The following RBFOX1 variants were observed in gnomAD, a reference collection of about 807,000 sequenced individuals.
RBFOX1 encodes the protein RNA binding fox-1 homolog 1.
In RBFOX1, 8 loss-of-function variants were observed where a neutral mutation model predicts 57.7. That is an observed-to-expected ratio of 0.14 (90% CI 0.08 to 0.25). The LOEUF is 0.25. Among genes scored for constraint, RBFOX1 ranks in the 10% least tolerant of loss-of-function variants. The pLI is 1.00. For missense variants in RBFOX1, 611 were observed against 548.5 expected (o/e 1.11, Z -1.14); for synonymous variants, 326 against 222.4 (o/e 1.47, Z -4.15).
At chr16:6,068,061 T>C (rs1031993230) in intron 1 of RBFOX1, among the ~76,000 whole-genome samples, 5 of 151,692 alleles carry the variant, frequency 3.3e-5, no homozygotes, top group Non-Finnish European at 7.4e-5. Flanking sequence ...TTCTGTTTAA[T>C]TGCCTGCAAT....
In RBFOX1 at chr16:6,734,767, C is replaced by T. The variant is rs372502613; in HGVS notation, c.-16+80117C>T. Reference sequence around the variant, plus strand: ...TCCTTTTACCCCTATCCAATCAGGACAATATAAGTTGTACTTAAGATTTGT... The same window carrying T: ...TCCTTTTACCCCTATCCAATCAGGATAATATAAGTTGTACTTAAGATTTGT... On this transcript the variant is annotated intron_variant, in intron 3 of 15. Transcript: ENST00000550418. Among the ~76,000 whole-genome samples, 12 of 152,214 alleles carry T rather than the reference C, an allele frequency of 7.9e-5. No individual in the cohort carries two copies. In the East Asian group the frequency reaches 1.5e-3, roughly 20 times the overall value.
chr16:7,140,809 A>G (rs928360996), intron 4 of RBFOX1, among the ~76,000 whole-genome samples: 13 of 151,938 alleles, frequency 8.6e-5, no homozygotes, highest in African/African-American at 2.9e-4. Flanking sequence ...GTATGCTCAT[A>G]ATGGATTTCA....
At chr16:5,309,199 G>C (rs1026618149) in intron 1 of RBFOX1, among the ~76,000 whole-genome samples, 1 of 152,112 alleles carries the variant, frequency 6.6e-6, no homozygotes, top group African/African-American at 2.4e-5. Context: ...GGAGATAAAT[G>C]GTTTTGCTTT....
chr16:6,255,815 C>G (rs1466995147), intron 1 of RBFOX1, among the ~76,000 whole-genome samples: 1 of 151,984 alleles, frequency 6.6e-6, no homozygotes, highest in African/African-American at 2.4e-5. Flanking sequence ...ACCGCATGTT[C>G]TCACTGATAA....
At chr16:5,629,294 A>C (rs185330359) in intron 3 of RBFOX1, among the ~76,000 whole-genome samples, 95 of 152,300 alleles carry the variant, frequency 6.2e-4, no homozygotes, top group African/African-American at 2.2e-3. Flanking sequence ...ATATTTAACA[A>C]CATTTAGGGC....
At chr16:6,296,854 T>C (rs920063547) in intron 1 of RBFOX1, among the ~76,000 whole-genome samples, 2 of 152,182 alleles carry the variant, frequency 1.3e-5, no homozygotes, top group South Asian at 4.2e-4. Context: ...AGAGGGTTCT[T>C]GGATCTTGTG....
At chr16:6,587,615 TAGA>T (rs1397907395) in intron 2 of RBFOX1, among the ~76,000 whole-genome samples, 1 of 152,104 alleles carries the variant, frequency 6.6e-6, no homozygotes, top group Non-Finnish European at 1.5e-5. Context: ...ATCTTAATGC[TAGA>T]AGAAGCTAGA....
In RBFOX1 at chr16:5,857,706, G is replaced by T. The variant is rs138504837; in HGVS notation, c.319-9597G>T. 6.0e-3 allele frequency among the ~76,000 whole-genome samples: 919 copies of T among 152,050 alleles called. 4 individuals are homozygous for T. The highest frequency in any genetic ancestry group is 0.011 in the Admixed American group (164 of 15,288). ...GGAGGCCAAGACGGGCAGAACACTT[G>T]AGCCCAGGAGTTCAAGACCAGCCTG... On this transcript the variant is annotated intron_variant, in intron 3 of 19. Coordinates refer to the RBFOX1 transcript ENST00000641259.
intron 3 of RBFOX1, among the ~76,000 whole-genome samples, chr16:6,727,117 T>TGC (rs1267362305): frequency 2.3e-5 from 1 of 42,756 alleles, no homozygotes; most frequent in East Asian, 1.3e-3. Flanking sequence ...AATATATGTG[T>TGC]GTGTGTGTAT....
intron 3 of RBFOX1, among the ~76,000 whole-genome samples, chr16:6,872,835 A>T (rs931754769): frequency 6.6e-6 from 1 of 152,198 alleles, no homozygotes; most frequent in African/African-American, 2.4e-5. Context: ...TTGGGTCTTT[A>T]AAAGAGTTAA....
intron 2 of RBFOX1, among the ~76,000 whole-genome samples, chr16:5,500,666 TCA>T (rs1314767931): frequency 2.0e-5 from 3 of 152,186 alleles, no homozygotes; most frequent in Admixed American, 1.3e-4. Context: ...GCCAGCAGCC[TCA>T]GTGTATGGGT....
intron 2 of RBFOX1, among the ~76,000 whole-genome samples, chr16:6,629,073 A>G (rs2098349133): frequency 6.6e-6 from 1 of 152,236 alleles, no homozygotes; most frequent in Non-Finnish European, 1.5e-5. Context: ...CTATGATTCC[A>G]TGAACAGTTT....
At chr16:6,769,841 A>C (rs1463822977) in intron 3 of RBFOX1, among the ~76,000 whole-genome samples, 1 of 152,180 alleles carries the variant, frequency 6.6e-6, no homozygotes, top group African/African-American at 2.4e-5. Flanking sequence ...TCTGAGGACA[A>C]CTCACCACGA....
intron 1 of RBFOX1, among the ~76,000 whole-genome samples, chr16:6,287,711 T>C (rs2077040196): frequency 6.6e-6 from 1 of 152,206 alleles, no homozygotes; most frequent in Non-Finnish European, 1.5e-5. Flanking sequence ...TAAGCATACA[T>C]ATATGTGATA....
chr16:5,338,784 G>A (rs532051589), intron 1 of RBFOX1, among the ~76,000 whole-genome samples: 206 of 152,144 alleles, frequency 1.4e-3, no homozygotes, highest in Non-Finnish European at 1.5e-3. Flanking sequence ...AGCCTCCTGA[G>A]TAGTGGGGAC....
intron 2 of RBFOX1, among the ~76,000 whole-genome samples, chr16:6,362,579 C>G (rs1224085596): frequency 6.6e-6 from 1 of 152,184 alleles, no homozygotes; most frequent in Non-Finnish European, 1.5e-5. Context: ...CTTTCTGTTA[C>G]AACGTGCAAA....
At chr16:6,836,827 ATAT>A (rs1360010119) in intron 3 of RBFOX1, among the ~76,000 whole-genome samples, 2 of 152,192 alleles carry the variant, frequency 1.3e-5, no homozygotes, top group Admixed American at 6.5e-5. Context: ...AATCAAGTAA[ATAT>A]TATGTGTGAG....
At chr16:5,352,663 G>T (rs1394718290) in intron 1 of RBFOX1, among the ~76,000 whole-genome samples, 1 of 152,162 alleles carries the variant, frequency 6.6e-6, no homozygotes, top group Non-Finnish European at 1.5e-5. Context: ...ATACTCTTCG[G>T]TGGTCACGGT....
intron 1 of RBFOX1, among the ~76,000 whole-genome samples, chr16:5,390,280 GT>G (rs887757243): frequency 3.2e-3 from 156 of 49,404 alleles, no homozygotes; most frequent in African/African-American, 8.5e-3. Context: ...TCGAAAAGTA[GT>G]TTTTTTTTTC....
Sources: gnomAD v4.1 joint callset for allele counts (sites outside exome capture counted in the v4.1 genomes callset) on GRCh38, gnomAD v4.1.1 for gene constraint, MANE v1.5 for transcripts, NCBI Gene and HGNC (gene_info 2026-07-23, HGNC 2026-07-21) for gene names.